R3HCC1L: variants seen among roughly 807,000 people sequenced by gnomAD.
R3HCC1L encodes coiled-coil domain-containing protein R3HCC1L.
Under a neutral mutation model 59.9 loss-of-function variants are expected in R3HCC1L, and 51 were observed. That is an observed-to-expected ratio of 0.85 (90% confidence interval 0.68 to 1.07). R3HCC1L has a LOEUF of 1.07. R3HCC1L is among the 50% of genes least tolerant of loss of function. The probability of loss-of-function intolerance (pLI) is 0.00; values close to 1 mark genes in which losing one functional copy is unlikely to be tolerated. For missense variants in R3HCC1L, 965 were observed against 933.0 expected (o/e 1.03, Z -0.45); for synonymous variants, 322 against 315.2 (o/e 1.02, Z -0.23).
intron 7 of R3HCC1L, among the ~76,000 whole-genome samples, chr10:98,234,771 G>A (rs552716998): frequency 8.0e-4 from 122 of 152,108 alleles, no homozygotes; most frequent in Non-Finnish European, 1.4e-3. Flanking sequence ...ATGATAGTAC[G>A]TAAACAGATT....
chr10:98,202,186 G>A (rs1852126112), intron 4 of R3HCC1L, among the ~76,000 whole-genome samples: 1 of 152,148 alleles, frequency 6.6e-6, no homozygotes, highest in African/African-American at 2.4e-5. Context: ...GACCCCTCAA[G>A]TTGGAAAATC....
At position 98,231,608 on chromosome 10, in the gene R3HCC1L, T is replaced by C; in HGVS notation, c.1882T>C (p.Phe628Leu). 1 of 1,612,592 alleles carries C rather than the reference T, an allele frequency of 6.2e-7. No individual in the cohort carries two copies. Among genetic ancestry groups the C allele is most frequent in the Non-Finnish European group, 8.5e-7 (1 of 1,178,768 alleles). Residue 628 changes from phenylalanine (F) to leucine (L), a missense_variant, in exon 6 of 10, where the codon TTC becomes CTC. Physicochemically the swap from Phe to Leu is conservative, Grantham distance 22. Coordinates refer to ENST00000298999, the MANE Select transcript of R3HCC1L (RefSeq NM_001351015.2). Reference protein sequence around the residue: ...VPDIDLSDCEFPHVIEIYDFP... With the variant: ...VPDIDLSDCELPHVIEIYDFP... ...TGATATTGACCTCAGTGATTGTGAA[T>C]TCCCACATGTCATTGAAATTTATGA...
chr10:98,154,987 C>T (rs1388029882), intron 1 of R3HCC1L, among the ~76,000 whole-genome samples: 1 of 152,170 alleles, frequency 6.6e-6, no homozygotes, highest in East Asian at 1.9e-4. Context: ...CCCCATTTAA[C>T]ATTAGTGTTG....
chr10:98,235,961 A>T (rs1159455618), intron 8 of R3HCC1L, 63 bp from the exon 9 acceptor site: 1 of 1,507,002 alleles, frequency 6.6e-7, no homozygotes, highest in African/African-American at 1.4e-5. Flanking sequence ...GAGTTAAATC[A>T]CTTGAAGCTA....
At chr10:98,201,913 G>T (rs1430613618) in intron 4 of R3HCC1L, among the ~76,000 whole-genome samples, 5 of 148,478 alleles carry the variant, frequency 3.4e-5, no homozygotes, top group Non-Finnish European at 5.9e-5. Context: ...AAGAGACGGG[G>T]TCTCACTACC....
intron 5 of R3HCC1L, among the ~76,000 whole-genome samples, chr10:98,219,841 G>C (rs1283510500): frequency 6.6e-6 from 1 of 152,088 alleles, no homozygotes; most frequent in Non-Finnish European, 1.5e-5. Context: ...TTGACAACTT[G>C]ACTAGTGTGC....
Position 98,204,360 on chromosome 10 carries a change from G to A in R3HCC1L, c.-14-3741G>A, listed in dbSNP as rs151233476. Among the ~76,000 whole-genome samples the A allele has an allele frequency of 1.7e-3, 257 of 152,120 alleles. 1 individual carries two copies. The highest frequency in any genetic ancestry group is 5.9e-3 in the African/African-American group (244 of 41,508). On this transcript the variant is annotated intron_variant, in intron 4 of 9. Coordinates refer to ENST00000298999, the MANE Select transcript of R3HCC1L (RefSeq NM_001351015.2). ...GCAGAGGTTGTGGTGAGCCAAGATC[G>A]TGCCATTGCACTCCACCCTGGGCAA...
intron 4 of R3HCC1L, among the ~76,000 whole-genome samples, chr10:98,182,224 G>GAT (rs2134602963): frequency 6.6e-6 from 1 of 152,252 alleles, no homozygotes; most frequent in East Asian, 1.9e-4. Context: ...TGTTGATGTT[G>GAT]ATGCTGATGT....
intron 4 of R3HCC1L, chr10:98,174,815 G>A: frequency 2.1e-6 from 2 of 947,394 alleles, no homozygotes; most frequent in Non-Finnish European, 2.5e-6. Flanking sequence ...AAGGTTTTGA[G>A]TGAGAAAGTC....
chr10:98,212,463 T>C (rs1853694811), intron 5 of R3HCC1L, among the ~76,000 whole-genome samples: 1 of 152,160 alleles, frequency 6.6e-6, no homozygotes, highest in African/African-American at 2.4e-5. Context: ...CCTGTGACAT[T>C]TGAACCTCCA....
At chr10:98,193,763 C>CA (rs1258338083) in intron 4 of R3HCC1L, among the ~76,000 whole-genome samples, 1 of 152,082 alleles carries the variant, frequency 6.6e-6, no homozygotes, top group East Asian at 1.9e-4. Flanking sequence ...TGTCAGCACA[C>CA]AAAAAGTTTT....
chr10:98,224,815 T>C (rs1855487860), intron 5 of R3HCC1L, among the ~76,000 whole-genome samples: 1 of 152,222 alleles, frequency 6.6e-6, no homozygotes, highest in Non-Finnish European at 1.5e-5. Context: ...AAAAATATTG[T>C]GAAGGTTTCA....
intron 4 of R3HCC1L, among the ~76,000 whole-genome samples, chr10:98,183,956 CGG>C (rs1849932278): frequency 1.1e-5 from 1 of 88,272 alleles, no homozygotes; most frequent in African/African-American, 4.0e-5. Context: ...GCTCCTTTTT[CGG>C]TTTTTTTTTT....
At chr10:98,152,005 C>T (rs918588966) in intron 1 of R3HCC1L, among the ~76,000 whole-genome samples, 2 of 152,132 alleles carry the variant, frequency 1.3e-5, no homozygotes, top group East Asian at 1.9e-4. Flanking sequence ...GATGCCGAGC[C>T]GAAGCTGGAC....
chr10:98,171,604 G>C (rs1291384857), intron 4 of R3HCC1L, among the ~76,000 whole-genome samples: 1 of 152,094 alleles, frequency 6.6e-6, no homozygotes, highest in Non-Finnish European at 1.5e-5. Context: ...GCCAAGACTA[G>C]GAGGAGCCAG....
At chr10:98,201,351 A>G (rs1402169285) in intron 4 of R3HCC1L, among the ~76,000 whole-genome samples, 2 of 152,224 alleles carry the variant, frequency 1.3e-5, no homozygotes, top group Admixed American at 1.3e-4. Context: ...TTTGCATATC[A>G]TTTGAAGAGG....
chr10:98,213,986 A>G lies in R3HCC1L; in HGVS notation c.1785+4087A>G, dbSNP rs117728303. 7.0e-3 allele frequency among the ~76,000 whole-genome samples: 1,068 copies of G among 152,314 alleles called. 4 individuals are homozygous for G. Among genetic ancestry groups the G allele is most frequent in the Non-Finnish European group, 0.011 (745 of 68,020 alleles). On this transcript the variant is annotated intron_variant, in intron 5 of 9. Transcript: ENST00000298999. ...CTCTGTTTTTATTGTTCAATCCATT[A>G]GTGAATGATGACTAGATCTCTGGTC...
intron 5 of R3HCC1L, among the ~76,000 whole-genome samples, chr10:98,223,459 T>G (rs1855293693): frequency 6.6e-6 from 1 of 152,004 alleles, no homozygotes; most frequent in Non-Finnish European, 1.5e-5. Flanking sequence ...GTTTCTTGTG[T>G]TCTTTCATTC....
intron 4 of R3HCC1L, among the ~76,000 whole-genome samples, chr10:98,169,056 C>T (rs1410000990): frequency 6.6e-6 from 1 of 152,150 alleles, no homozygotes; most frequent in African/African-American, 2.4e-5. Flanking sequence ...TCAGAGACAA[C>T]AGTGAATTAT....
Sources: allele counts gnomAD v4.1 joint callset (sites outside exome capture counted in the v4.1 genomes callset), GRCh38; gene constraint gnomAD v4.1.1; transcripts MANE v1.5; gene names NCBI Gene and HGNC (gene_info 2026-07-23, HGNC 2026-07-21).